The following RGS6 variants were observed in gnomAD, a reference collection of about 807,000 sequenced individuals.
The protein encoded by RGS6 is regulator of G protein signaling 6, also known as regulator of G-protein signaling 6.
RGS6 carries 30 observed loss-of-function variants against 78.5 expected under a neutral mutation model. The ratio of observed to expected loss-of-function variants is 0.38; its 90% CI spans 0.29 to 0.52. RGS6 has a LOEUF of 0.52. Ranked by LOEUF, RGS6 falls within the 20% of genes least tolerant of loss-of-function variation. RGS6 has a pLI of 0.85. For missense variants in RGS6, 495 were observed against 609.7 expected, an observed-to-expected ratio of 0.81 and a Z score of 1.98; for synonymous variants, 206 against 206.0, an observed-to-expected ratio of 1.00 and a Z score of 0.00.
chr14:72,476,616 C>A, intron 10 of RGS6, 126 bp from the exon 11 acceptor site: 1 of 654,548 alleles, frequency 1.5e-6, no homozygotes, highest in Non-Finnish European at 2.7e-6. Flanking sequence ...GAAATAAAAG[C>A]AGAGACCAAT....
At chr14:72,363,896 G>A (rs927099963) in intron 3 of RGS6, among the ~76,000 whole-genome samples, 5 of 146,248 alleles carry the variant, frequency 3.4e-5, no homozygotes, top group African/African-American at 1.0e-4. Flanking sequence ...TCCAACACAG[G>A]AGACAATAGC....
the RGS6 span, among the ~76,000 whole-genome samples, chr14:72,614,397 A>G: frequency 5.9e-5 from 9 of 152,214 alleles, no homozygotes; most frequent in African/African-American, 9.6e-5. Flanking sequence ...AACGGGCAAC[A>G]CACAGCAGGA....
intron 2 of RGS6, among the ~76,000 whole-genome samples, chr14:72,279,072 A>T (rs775290283): frequency 6.6e-6 from 1 of 152,096 alleles, no homozygotes; most frequent in African/African-American, 2.4e-5. Flanking sequence ...AAAGGGCGCT[A>T]TCTCCAAGGA....
intron 2 of RGS6, among the ~76,000 whole-genome samples, chr14:72,121,503 A>G (rs542119197): frequency 1.4e-4 from 21 of 152,266 alleles, no homozygotes; most frequent in Middle Eastern, 3.4e-3. Context: ...CGTGCAGTTT[A>G]ACTCCATTAG....
At chr14:72,449,371 T>C (rs1285346854) in intron 3 of RGS6, among the ~76,000 whole-genome samples, 1 of 152,214 alleles carries the variant, frequency 6.6e-6, no homozygotes, top group Non-Finnish European at 1.5e-5. Context: ...TTATCAACTT[T>C]GCATAATCTG....
intron 2 of RGS6, among the ~76,000 whole-genome samples, chr14:72,351,585 C>T (rs542044334): frequency 2.7e-4 from 41 of 152,286 alleles, no homozygotes; most frequent in South Asian, 1.5e-3. Flanking sequence ...GTTTTTCTCT[C>T]ATGTTACTCT....
At chr14:72,015,913 C>A (rs2153233504) in intron 2 of RGS6, among the ~76,000 whole-genome samples, 1 of 151,918 alleles carries the variant, frequency 6.6e-6, no homozygotes, top group South Asian at 2.1e-4. Context: ...TTGCCATTGG[C>A]CTTTTTATTA....
In RGS6 at chr14:72,108,914, G is replaced by A. The variant is rs146663220; in HGVS notation, c.84+144039G>A. Among the ~76,000 whole-genome samples, 838 of 151,784 alleles carry A rather than the reference G, an allele frequency of 5.5e-3. 11 individuals carry two copies. Among genetic ancestry groups the A allele is most frequent in the African/African-American group, 0.019 (798 of 41,412 alleles). On this transcript the variant is annotated intron_variant, in intron 2 of 17. Coordinates refer to ENST00000553525, the MANE Select transcript of RGS6 (RefSeq NM_001204424.2). ...TATCTGTGGAAATGTTGTTTTATTCGTTTTCCTCTTTTATCCTTAAGCAAT... is the reference window on the plus strand; with the variant it reads ...TATCTGTGGAAATGTTGTTTTATTCATTTTCCTCTTTTATCCTTAAGCAAT...
At chr14:72,137,489 G>A (rs1423061826) in intron 2 of RGS6, among the ~76,000 whole-genome samples, 2 of 152,196 alleles carry the variant, frequency 1.3e-5, no homozygotes, top group South Asian at 2.1e-4. Context: ...AATGCCAATC[G>A]CAAGTCCCAG....
At chr14:72,426,754 G>T (rs2094449024) in intron 3 of RGS6, among the ~76,000 whole-genome samples, 1 of 152,182 alleles carries the variant, frequency 6.6e-6, no homozygotes, top group South Asian at 2.1e-4. Flanking sequence ...TGGGTGGCAT[G>T]GGTTAGCAAG....
At chr14:72,196,689 A>G (rs1236897364) in intron 2 of RGS6, among the ~76,000 whole-genome samples, 3 of 152,244 alleles carry the variant, frequency 2.0e-5, no homozygotes, top group African/African-American at 7.2e-5. Flanking sequence ...TTTCCTCTTC[A>G]AATACTTGGG....
the RGS6 span, among the ~76,000 whole-genome samples, chr14:72,586,749 C>T: frequency 2.0e-5 from 3 of 152,132 alleles, no homozygotes; most frequent in East Asian, 3.9e-4. Context: ...GGCCTGATGC[C>T]TTGTCTGCCT....
chr14:72,489,737 AGGTGAGACGAGGCGAGGCG>A (rs1566968743), intron 12 of RGS6, among the ~76,000 whole-genome samples: 1 of 114,798 alleles, frequency 8.7e-6, no homozygotes, highest in African/African-American at 3.4e-5. Context: ...AGGCAAGGCG[AGGTGAGACGAGGCGAGGCG>A]AGGTGAAATT....
intron 2 of RGS6, among the ~76,000 whole-genome samples, chr14:72,140,347 A>G (rs1331686708): frequency 6.6e-6 from 1 of 152,206 alleles, no homozygotes; most frequent in East Asian, 1.9e-4. Context: ...AATCATTTTA[A>G]TTAGTGGTTT....
chr14:71,900,785 G>A, the RGS6 span, among the ~76,000 whole-genome samples: 1 of 152,066 alleles, frequency 6.6e-6, no homozygotes, highest in South Asian at 2.1e-4. Context: ...GGTTTAGTTT[G>A]TTCATGGTTC....
At chr14:72,382,310 A>G (rs1221223097) in intron 3 of RGS6, among the ~76,000 whole-genome samples, 12 of 152,214 alleles carry the variant, frequency 7.9e-5, no homozygotes, top group Admixed American at 7.9e-4. Flanking sequence ...CATAGAAGAG[A>G]AAATATACAT....
At chr14:72,461,271 G>T (rs988665387) in intron 6 of RGS6, among the ~76,000 whole-genome samples, 1 of 152,148 alleles carries the variant, frequency 6.6e-6, no homozygotes, top group African/African-American at 2.4e-5. Flanking sequence ...GAGGGTGGGA[G>T]GATGGTAAGA....
At chr14:72,049,094 A>G (rs998904768) in intron 2 of RGS6, among the ~76,000 whole-genome samples, 6 of 152,236 alleles carry the variant, frequency 3.9e-5, no homozygotes, top group South Asian at 2.1e-4. Context: ...AGAGAAAAGT[A>G]TAACAGTGAA....
Position 72,412,574 on chromosome 14 carries a change from C to G in RGS6, c.185-41954C>G, listed in dbSNP as rs558315025. Among the ~76,000 whole-genome samples the G allele has an allele frequency of 2.9e-3, 445 of 152,112 alleles. 1 individual carries two copies. The highest frequency in any genetic ancestry group is 4.4e-3 in the Non-Finnish European group (299 of 68,004). On this transcript the variant is annotated intron_variant, in intron 3 of 17. Transcript: ENST00000553525. Reference sequence around the variant, plus strand: ...TTTTGTGTCTCTATCTCCTTCAGTTCTCCTCTGATCTTAGTTATTTCTTGC... The same window carrying G: ...TTTTGTGTCTCTATCTCCTTCAGTTGTCCTCTGATCTTAGTTATTTCTTGC...
Sources: gnomAD v4.1 joint callset for allele counts (sites outside exome capture counted in the v4.1 genomes callset) on GRCh38, gnomAD v4.1.1 for gene constraint, MANE v1.5 for transcripts, NCBI Gene and HGNC (gene_info 2026-07-23, HGNC 2026-07-21) for gene names.